Variants in DCLK2 observed in about 807,000 individuals in gnomAD.
The protein encoded by DCLK2 is serine/threonine-protein kinase DCLK2.
In DCLK2, 31 loss-of-function variants were observed where a neutral mutation model predicts 78.4. The ratio of observed to expected loss-of-function variants is 0.40; its 90% confidence interval spans 0.30 to 0.53. The LOEUF (loss-of-function observed/expected upper bound fraction) is 0.53. Ranked by LOEUF, DCLK2 falls within the 20% of genes least tolerant of loss-of-function variation. The pLI is 0.61. For synonymous variants in DCLK2, 407 were observed against 374.9 expected (o/e 1.09, Z -0.99); for missense variants, 872 against 973.7 (o/e 0.90, Z 1.39).
At chr4:150,093,077 G>A (rs1730206016) in intron 1 of DCLK2, among the ~76,000 whole-genome samples, 4 of 152,170 alleles carry the variant, frequency 2.6e-5, no homozygotes, top group South Asian at 4.1e-4. Context: ...AATACATTCA[G>A]TAAACCTTTA....
chr4:150,216,665 G>A (rs1456261857), intron 5 of DCLK2, among the ~76,000 whole-genome samples: 1 of 152,092 alleles, frequency 6.6e-6, no homozygotes, highest in African/African-American at 2.4e-5. Flanking sequence ...AGCAGAAGAG[G>A]ATTCTTGCAC....
intron 2 of DCLK2, among the ~76,000 whole-genome samples, chr4:150,165,934 G>A (rs1320080244): frequency 1.3e-5 from 2 of 152,054 alleles, no homozygotes; most frequent in Non-Finnish European, 2.9e-5. Flanking sequence ...TGAGTCTGGC[G>A]CCTGGTGCCT....
chr4:150,147,773 C>T (rs1734588868), intron 2 of DCLK2, among the ~76,000 whole-genome samples: 1 of 152,238 alleles, frequency 6.6e-6, no homozygotes, highest in African/African-American at 2.4e-5. Flanking sequence ...TACTCCATGG[C>T]ATCTCCAGTT....
At chr4:150,123,913 G>A (rs928699217) in intron 2 of DCLK2, among the ~76,000 whole-genome samples, 2 of 151,998 alleles carry the variant, frequency 1.3e-5, no homozygotes, top group African/African-American at 2.4e-5. Context: ...GGTAGCACAT[G>A]CTTGTAGTCC....
At chr4:150,119,042 AAT>A (rs1491257704) in intron 2 of DCLK2, among the ~76,000 whole-genome samples, 2,518 of 36,486 alleles carry the variant, frequency 0.069, 61 homozygotes, top group African/African-American at 0.2. Flanking sequence ...TAACAATAAT[AAT>A]ATAATAATAA....
intron 2 of DCLK2, among the ~76,000 whole-genome samples, chr4:150,156,424 C>T (rs1320095225): frequency 2.6e-5 from 4 of 151,730 alleles, no homozygotes; most frequent in Non-Finnish European, 5.9e-5. Flanking sequence ...AGGTGGGTGG[C>T]TTGCTTGATC....
intron 2 of DCLK2, among the ~76,000 whole-genome samples, chr4:150,169,132 T>C (rs28511881): frequency 0.033 from 4,988 of 151,996 alleles, 256 homozygotes; most frequent in African/African-American, 0.11. Flanking sequence ...GGCACAGTCT[T>C]TTACCCAGGA....
intron 2 of DCLK2, among the ~76,000 whole-genome samples, chr4:150,189,297 G>A (rs4696241): frequency 6.6e-6 from 1 of 152,064 alleles, no homozygotes; most frequent in South Asian, 2.1e-4. Flanking sequence ...TGAATATATG[G>A]ATGTGAAAAA....
At chr4:150,135,165 T>TACACACACACACACACAC (rs57866267) in intron 2 of DCLK2, among the ~76,000 whole-genome samples, 2,450 of 146,868 alleles carry the variant, frequency 0.017, 20 homozygotes, top group South Asian at 0.031. Flanking sequence ...CATACACGTG[T>TACACACACACACACACAC]ACACACACAC....
At chr4:150,234,105 C>T (rs1283769151) in intron 10 of DCLK2, among the ~76,000 whole-genome samples, 1 of 152,172 alleles carries the variant, frequency 6.6e-6, no homozygotes, top group South Asian at 2.1e-4. Context: ...GACTTACCAG[C>T]AGCCTTACAC....
chr4:150,189,513 G>A (rs1738232313), intron 2 of DCLK2, among the ~76,000 whole-genome samples: 1 of 152,190 alleles, frequency 6.6e-6, no homozygotes, highest in Non-Finnish European at 1.5e-5. Flanking sequence ...TTTGTTACCT[G>A]TGTCTGGGCA....
At chr4:150,248,015 A>T (rs1360407743) in intron 13 of DCLK2, among the ~76,000 whole-genome samples, 1 of 152,252 alleles carries the variant, frequency 6.6e-6, no homozygotes, top group Non-Finnish European at 1.5e-5. Context: ...AAACACACTG[A>T]ATTGCCAAAA....
intron 2 of DCLK2, among the ~76,000 whole-genome samples, chr4:150,115,789 G>A (rs566162965): frequency 1.3e-4 from 20 of 152,166 alleles, no homozygotes; most frequent in East Asian, 5.8e-4. Flanking sequence ...TTTATTTTCC[G>A]CAGTATTTTG....
intron 5 of DCLK2, among the ~76,000 whole-genome samples, chr4:150,213,750 A>G (rs1277787211): frequency 6.6e-6 from 1 of 152,240 alleles, no homozygotes; most frequent in African/African-American, 2.4e-5. Context: ...TTATATAATC[A>G]TAAAACATGT....
chr4:150,182,734 G>GA (rs935772893), intron 2 of DCLK2, among the ~76,000 whole-genome samples: 3 of 151,972 alleles, frequency 2.0e-5, no homozygotes, highest in Admixed American at 1.3e-4. Flanking sequence ...ATTTCTTAGG[G>GA]AAAAAAATGA....
In DCLK2 at chr4:150,232,126, G is replaced by A. The variant is rs184895122; in HGVS notation, c.1300-211G>A. Among the ~76,000 whole-genome samples, 367 of 152,290 alleles carry A rather than the reference G, an allele frequency of 2.4e-3. 3 individuals carry two copies. Among genetic ancestry groups the A allele is most frequent in the African/African-American group, 8.3e-3 (346 of 41,568 alleles). On this transcript the variant is annotated intron_variant, in intron 8 of 15. Transcript: ENST00000296550. The stretch of plus-strand genomic sequence containing the variant: ...GGAGCCTTTTGGGGGATGTTTAGGA[G>A]TCTGTATCTTTTTGGTAATGTCAAT...
At chr4:150,090,071 G>C (rs886759312) in intron 1 of DCLK2, among the ~76,000 whole-genome samples, 2 of 152,162 alleles carry the variant, frequency 1.3e-5, no homozygotes, top group Admixed American at 6.5e-5. Context: ...AGATGTTCCA[G>C]AATAGGATTA....
intron 2 of DCLK2, among the ~76,000 whole-genome samples, chr4:150,149,804 G>A (rs1371414886): frequency 1.3e-5 from 2 of 152,210 alleles, no homozygotes; most frequent in Non-Finnish European, 2.9e-5. Flanking sequence ...TTCATTGAAA[G>A]AGATTCTGTA....
At position 150,079,300 on chromosome 4, in the gene DCLK2, C is replaced by A; in HGVS notation, c.273C>A (p.Ile91=). The change falls in exon 1 of 16, where the codon ATC becomes ATA. Residue 91 remains isoleucine, a synonymous_variant. Transcript: ENST00000296550. The part of the protein sequence containing the change: ...DRYFKGLVFA[I]SSDRFRSFDA... ...ACTTCAAGGGCCTGGTGTTTGCCAT[C>A]TCCAGCGACCGCTTCCGGTCCTTCG... The A allele has an allele frequency of 6.3e-7, 1 of 1,596,768 alleles. No individual in the cohort carries two copies. The highest frequency in any genetic ancestry group is 8.5e-7 in the Non-Finnish European group (1 of 1,171,982).
Sources: gnomAD v4.1 joint callset for allele counts (sites outside exome capture counted in the v4.1 genomes callset) on GRCh38, gnomAD v4.1.1 for gene constraint, MANE v1.5 for transcripts, NCBI Gene and HGNC (gene_info 2026-07-23, HGNC 2026-07-21) for gene names.